ANKIB1: variants seen among roughly 807,000 people sequenced by gnomAD.
The protein encoded by ANKIB1 is ankyrin repeat and IBR domain-containing protein 1.
ANKIB1 carries 43 observed loss-of-function variants against 122.1 expected under a neutral mutation model. That is an observed-to-expected ratio of 0.35 (90% CI 0.28 to 0.45). The LOEUF (loss-of-function observed/expected upper bound fraction) is 0.45. ANKIB1 is among the 20% of genes least tolerant of loss of function. The probability of loss-of-function intolerance (pLI) is 1.00; values close to 1 mark genes in which losing one functional copy is unlikely to be tolerated. For synonymous variants in ANKIB1, 390 were observed against 442.0 expected, an observed-to-expected ratio of 0.88 and a Z score of 1.48; for missense variants, 992 against 1,329.5, an observed-to-expected ratio of 0.75 and a Z score of 3.95.
intron 1 of ANKIB1, among the ~76,000 whole-genome samples, chr7:92,261,961 T>C (rs1030190526): frequency 1.3e-5 from 2 of 152,228 alleles, no homozygotes; most frequent in African/African-American, 4.8e-5. Context: ...GTGACTCTAA[T>C]CTCACTTCTT....
At chr7:92,307,774 T>A in intron 3 of ANKIB1, 118 bp downstream of exon 3, 1 of 815,186 alleles carries the variant, frequency 1.2e-6, no homozygotes, top group Non-Finnish European at 1.7e-6. Context: ...TTTTCTCTTT[T>A]GTCTTCTAAA....
intron 7 of ANKIB1, among the ~76,000 whole-genome samples, chr7:92,348,228 A>G (rs905679165): frequency 3.9e-5 from 6 of 152,148 alleles, no homozygotes; most frequent in Non-Finnish European, 7.3e-5. Context: ...AAAATTCAAA[A>G]CATCATCATG....
At chr7:92,309,129 G>A (rs1307899667) in intron 3 of ANKIB1, among the ~76,000 whole-genome samples, 2 of 152,112 alleles carry the variant, frequency 1.3e-5, no homozygotes, top group Non-Finnish European at 2.9e-5. Context: ...TACTGCTAAT[G>A]TTTGTGATAC....
chr7:92,272,550 C>G lies in ANKIB1; in HGVS notation c.-90-22339C>G, dbSNP rs192680867. On this transcript the variant is annotated intron_variant, in intron 1 of 19. Transcript: ENST00000265742. The stretch of plus-strand genomic sequence containing the variant: ...CTAAGACTGTACAGCAGAACCAGAT[C>G]CAGAATGAAAAGCCCTAGGATGACA... Among the ~76,000 whole-genome samples, 41 of 152,148 alleles carry G rather than the reference C, an allele frequency of 2.7e-4. No individual in the cohort carries two copies. In the East Asian group the frequency reaches 7.5e-3, roughly 28 times the overall value.
chr7:92,394,644 C>G (rs1008215515), intron 17 of ANKIB1, among the ~76,000 whole-genome samples: 1 of 152,118 alleles, frequency 6.6e-6, no homozygotes, highest in Non-Finnish European at 1.5e-5. Context: ...AATTTTCACA[C>G]CATCTTTGTC....
At chr7:92,344,029 A>G (rs1000440597) in intron 6 of ANKIB1, among the ~76,000 whole-genome samples, 4 of 152,112 alleles carry the variant, frequency 2.6e-5, no homozygotes, top group Admixed American at 2.6e-4. Flanking sequence ...CCTTTTTGGA[A>G]AACAGAATCC....
chr7:92,372,400 G>A (rs1057274267), intron 11 of ANKIB1, among the ~76,000 whole-genome samples: 9 of 151,924 alleles, frequency 5.9e-5, no homozygotes, highest in Non-Finnish European at 1.3e-4. Context: ...ACCATTTTTT[G>A]TCGGGGACTT....
At chr7:92,316,983 G>T (rs1193642956) in intron 3 of ANKIB1, among the ~76,000 whole-genome samples, 2 of 152,092 alleles carry the variant, frequency 1.3e-5, no homozygotes, top group African/African-American at 4.8e-5. Context: ...ATGCATTTTA[G>T]AAATAATTTT....
chr7:92,311,103 A>T (rs1368768688), intron 3 of ANKIB1, among the ~76,000 whole-genome samples: 1 of 152,188 alleles, frequency 6.6e-6, no homozygotes, highest in Admixed American at 6.5e-5. Context: ...CTTTGGCTGT[A>T]AGAATAATAG....
chr7:92,318,531 G>GTGAC (rs1165697566), intron 3 of ANKIB1, among the ~76,000 whole-genome samples: 1 of 152,094 alleles, frequency 6.6e-6, no homozygotes, highest in Non-Finnish European at 1.5e-5. Context: ...AAATAATCCT[G>GTGAC]TGACTGTCAG....
chr7:92,385,185 A>T (rs1249597055), intron 11 of ANKIB1, among the ~76,000 whole-genome samples: 1 of 152,236 alleles, frequency 6.6e-6, no homozygotes, highest in Non-Finnish European at 1.5e-5. Flanking sequence ...ATGAGATACC[A>T]TCTCACACCA....
At chr7:92,300,635 T>C (rs1299986034) in intron 2 of ANKIB1, among the ~76,000 whole-genome samples, 2 of 152,092 alleles carry the variant, frequency 1.3e-5, no homozygotes, top group African/African-American at 2.4e-5. Flanking sequence ...TATATATATA[T>C]ACATTGTGAA....
chr7:92,341,115 G>A (rs1803428646), intron 5 of ANKIB1, among the ~76,000 whole-genome samples: 1 of 151,874 alleles, frequency 6.6e-6, no homozygotes, highest in Non-Finnish European at 1.5e-5. Context: ...GACCAGCCTG[G>A]GCAACATGGT....
At chr7:92,387,663 C>A in intron 12 of ANKIB1, 135 bp from the exon 13 acceptor site, 2 of 625,956 alleles carry the variant, frequency 3.2e-6, no homozygotes, top group Non-Finnish European at 5.5e-6. Context: ...TATTGTTTTT[C>A]TGTCAAGAAA....
At chr7:92,301,772 T>C (rs1305475800) in intron 2 of ANKIB1, among the ~76,000 whole-genome samples, 1 of 152,188 alleles carries the variant, frequency 6.6e-6, no homozygotes, top group Non-Finnish European at 1.5e-5. Context: ...AAATAACTTT[T>C]ATTTAATTAT....
chr7:92,284,760 C>T (rs1291868434), intron 1 of ANKIB1, among the ~76,000 whole-genome samples: 1 of 152,044 alleles, frequency 6.6e-6, no homozygotes, highest in African/African-American at 2.4e-5. Flanking sequence ...TTACTTATGG[C>T]CCAGCTTAAT....
Position 92,396,346 on chromosome 7 carries a change from T to C in ANKIB1, c.2284-19T>C. The C allele has an allele frequency of 2.2e-6, 3 of 1,355,580 alleles. No homozygotes were observed. Among genetic ancestry groups the C allele is most frequent in the Non-Finnish European group, 3.1e-6 (3 of 964,120 alleles). 84.0% of individuals were successfully genotyped at this position (1,355,580 alleles called of 1,614,324 possible). On this transcript the variant is annotated intron_variant, in intron 17 of 19. Transcript: ENST00000265742. ...AAATTGCATGCTCTCTTGTATTTTA[T>C]AACCTTTGGTTTATGCAGGAATATG... is the stretch of plus-strand genomic sequence containing the variant.
chr7:92,383,653 C>T (rs1804569937), intron 11 of ANKIB1, among the ~76,000 whole-genome samples: 1 of 152,162 alleles, frequency 6.6e-6, no homozygotes, highest in Non-Finnish European at 1.5e-5. Context: ...ATGATCATCT[C>T]AATAGATGCA....
At chr7:92,285,094 G>T (rs1802091651) in intron 1 of ANKIB1, among the ~76,000 whole-genome samples, 2 of 152,144 alleles carry the variant, frequency 1.3e-5, no homozygotes, top group South Asian at 4.1e-4. Context: ...TTGAGACAGA[G>T]CCTTGCTCTG....
Sources: allele counts gnomAD v4.1 joint callset (sites outside exome capture counted in the v4.1 genomes callset), GRCh38; gene constraint gnomAD v4.1.1; transcripts MANE v1.5; gene names NCBI Gene and HGNC (gene_info 2026-07-23, HGNC 2026-07-21).